Variants in IMMP2L observed in about 807,000 individuals in gnomAD.
IMMP2L encodes mitochondrial inner membrane protease subunit 2.
In IMMP2L, 18 loss-of-function variants were observed where a neutral mutation model predicts 19.3. That is an observed-to-expected ratio of 0.93 (90% CI 0.64 to 1.38). The LOEUF (loss-of-function observed/expected upper bound fraction) is 1.38. Among genes scored for constraint, IMMP2L ranks in the 40% most tolerant of loss-of-function variants. IMMP2L has a pLI of 0.00. For missense variants in IMMP2L, 233 were observed against 218.2 expected (o/e 1.07, Z -0.43); for synonymous variants, 76 against 73.0 (o/e 1.04, Z -0.21).
intron 3 of IMMP2L, among the ~76,000 whole-genome samples, chr7:111,066,458 T>G (rs2129574940): frequency 6.6e-6 from 1 of 152,334 alleles, no homozygotes; most frequent in South Asian, 2.1e-4. Flanking sequence ...AAAAGATTTT[T>G]GTGAAGGAAA....
intron 4 of IMMP2L, among the ~76,000 whole-genome samples, chr7:110,916,152 G>A (rs771873686): frequency 7.9e-5 from 12 of 152,126 alleles, no homozygotes; most frequent in Non-Finnish European, 1.2e-4. Context: ...TCATTGCTTC[G>A]TTGTATGATT....
In IMMP2L at chr7:110,936,288, G is replaced by C. The variant is rs142603267; in HGVS notation, c.305+27212C>G. 3.0e-4 allele frequency among the ~76,000 whole-genome samples: 46 copies of C among 152,232 alleles called. No individual in the cohort carries two copies. The East Asian group carries it at 8.9e-3, about 29-fold the overall frequency. The stretch of plus-strand genomic sequence containing the variant: ...ACCTACAGAATGGGAGAAAACTTTT[G>C]CAGTCTATCCATCTGACAAAGGGCT... On this transcript the variant is annotated intron_variant, in intron 4 of 5. Coordinates refer to ENST00000405709, the MANE Select transcript of IMMP2L (RefSeq NM_032549.4).
intron 3 of IMMP2L, among the ~76,000 whole-genome samples, chr7:111,277,712 T>C (rs1255544266): frequency 6.6e-6 from 1 of 152,086 alleles, no homozygotes; most frequent in Non-Finnish European, 1.5e-5. Context: ...TACTATTCCA[T>C]CCAGCAATCC....
chr7:111,439,539 A>G (rs903357280), intron 3 of IMMP2L, among the ~76,000 whole-genome samples: 1 of 151,944 alleles, frequency 6.6e-6, no homozygotes, highest in African/African-American at 2.4e-5. Flanking sequence ...CAATTGCATT[A>G]TGGAAAAAAA....
At chr7:111,105,189 A>G (rs573475793) in intron 3 of IMMP2L, among the ~76,000 whole-genome samples, 1 of 151,986 alleles carries the variant, frequency 6.6e-6, no homozygotes, top group South Asian at 2.1e-4. Context: ...TTTAAAAATT[A>G]ATTTGATTCT....
At chr7:110,769,274 A>G (rs1798880599) in intron 5 of IMMP2L, among the ~76,000 whole-genome samples, 1 of 152,190 alleles carries the variant, frequency 6.6e-6, no homozygotes, top group South Asian at 2.1e-4. Flanking sequence ...GCTCTTAAAC[A>G]TCCACATTCA....
At chr7:111,006,594 C>G (rs1372715088) in intron 3 of IMMP2L, among the ~76,000 whole-genome samples, 1 of 152,074 alleles carries the variant, frequency 6.6e-6, no homozygotes, top group Non-Finnish European at 1.5e-5. Flanking sequence ...CTTTCAAGAG[C>G]AACAATTTTA....
At chr7:111,281,716 TG>T (rs1338816549) in intron 3 of IMMP2L, among the ~76,000 whole-genome samples, 1 of 152,090 alleles carries the variant, frequency 6.6e-6, no homozygotes, top group Non-Finnish European at 1.5e-5. Context: ...ATTATATAAA[TG>T]GGGGTACTCT....
intron 4 of IMMP2L, among the ~76,000 whole-genome samples, chr7:110,916,392 T>C (rs940120715): frequency 3.9e-5 from 6 of 152,342 alleles, no homozygotes; most frequent in Non-Finnish European, 7.4e-5. Context: ...ATGCATCTGG[T>C]GTTTCTATGT....
chr7:110,919,083 T>C (rs1813966394), intron 4 of IMMP2L, among the ~76,000 whole-genome samples: 1 of 152,170 alleles, frequency 6.6e-6, no homozygotes, highest in Non-Finnish European at 1.5e-5. Context: ...GTACCAACCA[T>C]GAACTAGACA....
chr7:110,894,373 T>C (rs185441), intron 4 of IMMP2L, among the ~76,000 whole-genome samples: 88,636 of 152,014 alleles, frequency 0.58, 27,024 homozygotes, highest in East Asian at 0.85. Context: ...TAAGAGTTTC[T>C]GTTGTTCCAC....
chr7:111,208,728 T>C (rs1389516518), intron 3 of IMMP2L, among the ~76,000 whole-genome samples: 1 of 152,076 alleles, frequency 6.6e-6, no homozygotes, highest in East Asian at 1.9e-4. Context: ...CAGCAGAAAA[T>C]GCAAGGATTG....
intron 3 of IMMP2L, among the ~76,000 whole-genome samples, chr7:111,127,246 G>T (rs1801405992): frequency 6.6e-6 from 1 of 152,160 alleles, no homozygotes; most frequent in African/African-American, 2.4e-5. Context: ...ACAGAGCTCA[G>T]CTATTTGTCA....
intron 3 of IMMP2L, among the ~76,000 whole-genome samples, chr7:111,403,080 G>A (rs930149694): frequency 4.9e-5 from 7 of 144,226 alleles, no homozygotes; most frequent in South Asian, 2.2e-4. Flanking sequence ...TACCACGACC[G>A]TGATATGGTT....
chr7:111,322,260 C>T (rs1824802337), intron 3 of IMMP2L, among the ~76,000 whole-genome samples: 1 of 151,684 alleles, frequency 6.6e-6, no homozygotes, highest in Non-Finnish European at 1.5e-5. Flanking sequence ...TATGCCAGAC[C>T]CATGGAAATA....
chr7:111,323,629 T>TCC (rs1458345565), intron 3 of IMMP2L, among the ~76,000 whole-genome samples: 4 of 152,092 alleles, frequency 2.6e-5, no homozygotes, highest in African/African-American at 9.7e-5. Context: ...CACCCAGCCA[T>TCC]CCCATTACTG....
chr7:110,665,800 CTG>C, intron 5 of IMMP2L, among the ~76,000 whole-genome samples: 1 of 152,264 alleles, frequency 6.6e-6, no homozygotes, highest in South Asian at 2.1e-4. Context: ...CTTTTTCCTT[CTG>C]TAATTAATAA....
chr7:110,846,688 C>A (rs1281654301), intron 5 of IMMP2L, among the ~76,000 whole-genome samples: 1 of 152,144 alleles, frequency 6.6e-6, no homozygotes, highest in South Asian at 2.1e-4. Flanking sequence ...TCTAATTCAA[C>A]CTTGAATGCT....
In IMMP2L at chr7:111,434,374, A is replaced by G. The variant is rs895244651; in HGVS notation, c.239+52864T>C. ...AAACAAAAATAGACAAATGAGGATT[A>G]AATACAGTAAAAAGCTTCTGCACAG... On this transcript the variant is annotated intron_variant, in intron 3 of 5. Coordinates refer to ENST00000405709, the MANE Select transcript of IMMP2L (RefSeq NM_032549.4). Among the ~76,000 whole-genome samples the G allele has an allele frequency of 7.2e-5, 11 of 151,764 alleles. No individual in the cohort carries two copies. The East Asian group carries it at 1.4e-3, about 19-fold the overall frequency.
Sources: gnomAD v4.1 joint callset for allele counts (sites outside exome capture counted in the v4.1 genomes callset) on GRCh38, gnomAD v4.1.1 for gene constraint, MANE v1.5 for transcripts, NCBI Gene and HGNC (gene_info 2026-07-23, HGNC 2026-07-21) for gene names.